SNAP47: variants seen among roughly 807,000 people sequenced by gnomAD.
SNAP47 encodes synaptosome associated protein 47.
Under a neutral mutation model 31.4 loss-of-function variants are expected in SNAP47, and 20 were observed. The ratio of observed to expected loss-of-function variants is 0.64; its 90% CI spans 0.45 to 0.93. The LOEUF is 0.93. Among genes scored for constraint, SNAP47 ranks in the 40% least tolerant of loss-of-function variants. SNAP47 has a pLI of 0.00. For synonymous variants in SNAP47, 194 were observed against 213.4 expected (o/e 0.91, Z 0.79); for missense variants, 492 against 528.5 (o/e 0.93, Z 0.68).
At chr1:227,760,600 C>G (rs749264981) in intron 3 of SNAP47, among the ~76,000 whole-genome samples, 1 of 152,202 alleles carries the variant, frequency 6.6e-6, no homozygotes, top group Non-Finnish European at 1.5e-5. Context: ...GGCTTATGTG[C>G]TAGGAGCCGC....
intron 1 of SNAP47, among the ~76,000 whole-genome samples, chr1:227,737,834 G>A (rs746914993): frequency 2.6e-5 from 4 of 152,152 alleles, no homozygotes; most frequent in Admixed American, 6.5e-5. Context: ...GATTCAGTGC[G>A]TGCTATGGTC....
At chr1:227,761,403 TA>T (rs1663053801) in intron 3 of SNAP47, among the ~76,000 whole-genome samples, 1 of 152,216 alleles carries the variant, frequency 6.6e-6, no homozygotes, top group Non-Finnish European at 1.5e-5. Flanking sequence ...ACAGAAAACC[TA>T]CCACCTTTCT....
chr1:227,745,948 A>T (rs1030769031), intron 1 of SNAP47: 1 of 152,226 alleles, frequency 6.6e-6, no homozygotes, highest in African/African-American at 2.4e-5. Context: ...CATCCCATCC[A>T]CATCCACCCA....
chr1:227,748,109 C>T lies in SNAP47; in HGVS notation c.373C>T (p.Leu125Phe). The part of the protein sequence containing the change: ...PRTRGEELTG[L>F]MAGSQKRLED... ...GACCCGGGGCGAGGAGCTGACGGGA[C>T]TCATGGCTGGATCCCAGAAACGCCT... Residue 125 changes from leucine (L) to phenylalanine (F), a missense_variant, in exon 2 of 5, where the codon CTC becomes TTC. Transcript: ENST00000617596. 2.5e-6 allele frequency: 4 copies of T among 1,614,064 alleles called. No homozygotes were observed. Among genetic ancestry groups the T allele is most frequent in the Non-Finnish European group, 3.4e-6 (4 of 1,180,032 alleles).
intron 4 of SNAP47, among the ~76,000 whole-genome samples, chr1:227,770,969 C>T (rs975264324): frequency 4.6e-5 from 7 of 152,268 alleles, no homozygotes; most frequent in African/African-American, 1.7e-4. Context: ...GTGGAGCAGG[C>T]GAGTTGGAGA....
At chr1:227,776,371 G>GT (rs1664160435) in intron 4 of SNAP47, 5 of 987,206 alleles carry the variant, frequency 5.1e-6, no homozygotes, top group Non-Finnish European at 6.0e-6. Context: ...TAATCAGGTA[G>GT]TTTCTGTGGA....
At chr1:227,735,770 G>T (rs1191175239) in intron 1 of SNAP47, 2 of 952,446 alleles carry the variant, frequency 2.1e-6, no homozygotes, top group African/African-American at 3.5e-5. Context: ...CTGGGATGGT[G>T]GGATCTAGCG....
chr1:227,748,838 T>C (rs1018701192), intron 2 of SNAP47, among the ~76,000 whole-genome samples: 5 of 152,268 alleles, frequency 3.3e-5, no homozygotes, highest in African/African-American at 1.2e-4. Context: ...TCTTCTGTTA[T>C]GTTTCTTAGT....
chr1:227,752,432 C>T (rs1372835174), intron 2 of SNAP47, among the ~76,000 whole-genome samples: 1 of 152,120 alleles, frequency 6.6e-6, no homozygotes, highest in Admixed American at 6.5e-5. Flanking sequence ...CACACCTGCC[C>T]TTCTCTCTGT....
intron 2 of SNAP47, among the ~76,000 whole-genome samples, chr1:227,756,784 T>C (rs1400869276): frequency 6.6e-6 from 1 of 152,254 alleles, no homozygotes; most frequent in Non-Finnish European, 1.5e-5. Context: ...TCTAGGTGTC[T>C]GCTTAGGCCA....
rs569678229 is a variant in SNAP47, at chr1:227,773,029, C to G, written c.1113+5946C>G. Among the ~76,000 whole-genome samples, 3 of 152,052 alleles carry G rather than the reference C, an allele frequency of 2.0e-5. No homozygotes were observed. The East Asian group carries it at 5.8e-4, about 29-fold the overall frequency. ...AGGCTGGAGTGCAGTGGCATGATCT[C>G]GGTTCACTGCAATCTCCGCCTCCCA... On this transcript the variant is annotated intron_variant, in intron 4 of 4. Coordinates refer to ENST00000617596, the MANE Select transcript of SNAP47 (RefSeq NM_053052.4).
intron 1 of SNAP47, 112 bp downstream of exon 1, chr1:227,735,611 T>C: frequency 7.6e-7 from 1 of 1,318,286 alleles, no homozygotes; most frequent in Non-Finnish European, 9.6e-7. Context: ...CCTTCCCGCA[T>C]CCCCGGGGGG....
intron 2 of SNAP47, among the ~76,000 whole-genome samples, chr1:227,751,409 C>A (rs963768595): frequency 6.6e-6 from 1 of 152,220 alleles, no homozygotes. Flanking sequence ...CTGAGGAGCA[C>A]AGCAGAGTGA....
At chr1:227,734,638 C>T (rs1230599868), upstream of SNAP47, 1 of 1,613,426 alleles carries the variant, frequency 6.2e-7, no homozygotes, top group African/African-American at 1.3e-5. Context: ...CGGTGCGTCC[C>T]AAGCCCCATT....
intron 3 of SNAP47, among the ~76,000 whole-genome samples, chr1:227,764,783 A>G (rs1348881541): frequency 6.6e-6 from 1 of 151,962 alleles, no homozygotes. Context: ...GTGCACCTGT[A>G]CTCCCAGCTG....
In SNAP47 at chr1:227,759,289, C is replaced by T. The variant is rs548643206; in HGVS notation, c.792C>T (p.Tyr264=). The part of the protein sequence containing the change: ...DVDDIKVHSP[Y]EISIRQRFIG... Reference sequence around the variant, plus strand: ...ACGACATCAAGGTCCACTCACCTTACGAAATTAGCATCCGCCAGCGGTTTA... The same window carrying T: ...ACGACATCAAGGTCCACTCACCTTATGAAATTAGCATCCGCCAGCGGTTTA... Residue 264 remains tyrosine (Y), a synonymous_variant, in exon 3 of 5, where the codon TAC becomes TAT. Transcript: ENST00000617596. 16 of 1,614,220 alleles carry T rather than the reference C, an allele frequency of 9.9e-6. No individual in the cohort carries two copies. Among genetic ancestry groups the T allele is most frequent in the South Asian group, 5.5e-5 (5 of 91,086 alleles).
chr1:227,771,348 C>T (rs1663790989), intron 4 of SNAP47, among the ~76,000 whole-genome samples: 1 of 152,292 alleles, frequency 6.6e-6, no homozygotes, highest in East Asian at 1.9e-4. Context: ...TCCTATTACT[C>T]ATGCCCCTGA....
chr1:227,770,103 C>T (rs1459988580), intron 4 of SNAP47, among the ~76,000 whole-genome samples: 1 of 152,232 alleles, frequency 6.6e-6, no homozygotes, highest in East Asian at 1.9e-4. Flanking sequence ...CCTGTGGGCA[C>T]AGGTCCCAGG....
chr1:227,729,586 AG>A (rs1317234557), intron 1 of SNAP47, among the ~76,000 whole-genome samples: 1 of 152,164 alleles, frequency 6.6e-6, no homozygotes, highest in Non-Finnish European at 1.5e-5. Flanking sequence ...TGTGGGCTTC[AG>A]GGTAGCTGGC....
Sources: gnomAD v4.1 joint callset for allele counts (sites outside exome capture counted in the v4.1 genomes callset) on GRCh38, gnomAD v4.1.1 for gene constraint, MANE v1.5 for transcripts, NCBI Gene and HGNC (gene_info 2026-07-23, HGNC 2026-07-21) for gene names.